Variants in PDE10A observed in about 807,000 individuals in gnomAD.
PDE10A encodes phosphodiesterase 10A, also known as cAMP and cAMP-inhibited cGMP 3',5'-cyclic phosphodiesterase 10A.
In PDE10A, 39 loss-of-function variants were observed where a neutral mutation model predicts 97.7. That is an observed-to-expected ratio of 0.40 (90% CI 0.31 to 0.52). PDE10A has a LOEUF of 0.52. PDE10A is among the 20% of genes least tolerant of loss of function. The pLI is 0.56. For missense variants in PDE10A, 731 were observed against 1,047.8 expected, an observed-to-expected ratio of 0.70 and a Z score of 4.17; for synonymous variants, 371 against 376.8, an observed-to-expected ratio of 0.98 and a Z score of 0.18.
At chr6:165,361,739 T>C (rs1208450802) in intron 18 of PDE10A, among the ~76,000 whole-genome samples, 1 of 152,204 alleles carries the variant, frequency 6.6e-6, no homozygotes, top group African/African-American at 2.4e-5. Context: ...ATGCCTGAAG[T>C]TGCCAGTATC....
chr6:165,881,577 T>G (rs1352994348), intron 1 of PDE10A, among the ~76,000 whole-genome samples: 1 of 150,152 alleles, frequency 6.7e-6, no homozygotes, highest in Non-Finnish European at 1.5e-5. Flanking sequence ...TTTTTTTTTT[T>G]TTGTATTTTT....
At chr6:165,928,509 C>T (rs78445822) in intron 1 of PDE10A, among the ~76,000 whole-genome samples, 6,956 of 152,218 alleles carry the variant, frequency 0.046, 230 homozygotes, top group Middle Eastern at 0.078. Context: ...CCCTCATGCT[C>T]GACTTGAGCT....
At chr6:165,951,842 C>T (rs1783972900) in intron 1 of PDE10A, among the ~76,000 whole-genome samples, 1 of 152,210 alleles carries the variant, frequency 6.6e-6, no homozygotes, top group Non-Finnish European at 1.5e-5. Flanking sequence ...TTTATTCATT[C>T]AACAAGCTTT....
At chr6:165,413,733 G>A in intron 12 of PDE10A, 46 bp from the exon 13 acceptor site, 1 of 1,476,390 alleles carries the variant, frequency 6.8e-7, no homozygotes, top group Non-Finnish European at 9.3e-7. Context: ...CAAAAGGGCA[G>A]AAGAAATAAA....
chr6:165,589,366 AGTTG>A lies in PDE10A; in HGVS notation c.866-45802_866-45799del, dbSNP rs531473583. ...CAGAATATGAAATTTCCCCAATTTTAGTTGTTCTCTTAAAGATTTATTACTTTAT... is the reference window on the plus strand; with the variant it reads ...CAGAATATGAAATTTCCCCAATTTTATTCTCTTAAAGATTTATTACTTTAT... On this transcript the variant is annotated intron_variant, in intron 1 of 21. Coordinates refer to ENST00000539869, the MANE Select transcript of PDE10A (RefSeq NM_001385079.1). 2.8e-4 allele frequency among the ~76,000 whole-genome samples: 42 copies of A among 152,328 alleles called. No homozygotes were observed. In the South Asian group the frequency reaches 8.5e-3, roughly 31 times the overall value.
chr6:165,926,026 A>G (rs1044814558), intron 1 of PDE10A, among the ~76,000 whole-genome samples: 2 of 152,248 alleles, frequency 1.3e-5, no homozygotes, highest in Non-Finnish European at 2.9e-5. Context: ...CAATTGCATA[A>G]AAATCTTCAA....
At chr6:165,882,265 G>A (rs1297315159) in intron 1 of PDE10A, among the ~76,000 whole-genome samples, 1 of 152,194 alleles carries the variant, frequency 6.6e-6, no homozygotes, top group Non-Finnish European at 1.5e-5. Context: ...TGATACATCT[G>A]TCTGAGCAGC....
In PDE10A at chr6:165,805,683, C is replaced by T. The variant is rs79748985; in HGVS notation, c.-615+181846G>A. On this transcript the variant is annotated intron_variant, in intron 1 of 19. Transcript: ENST00000366882. ...CCTGAGATAGACGCTGAGTCAGGGA[C>T]CCCTCTGGATCTCCCCAGTTCACTG... Among the ~76,000 whole-genome samples, 562 of 152,294 alleles carry T rather than the reference C, an allele frequency of 3.7e-3. 6 individuals carry two copies. In the East Asian group the frequency reaches 0.053, roughly 14 times the overall value.
At chr6:165,706,995 CCTGT>C (rs765560578) in intron 1 of PDE10A, among the ~76,000 whole-genome samples, 25 of 152,260 alleles carry the variant, frequency 1.6e-4, no homozygotes, top group Admixed American at 3.3e-4. Flanking sequence ...ACCCAGTAAG[CCTGT>C]CTAAGAATGC....
chr6:165,835,349 G>T (rs1780037522), intron 1 of PDE10A, among the ~76,000 whole-genome samples: 1 of 152,206 alleles, frequency 6.6e-6, no homozygotes, highest in Non-Finnish European at 1.5e-5. Flanking sequence ...GCCATCCCAG[G>T]CTGCCCTGGG....
chr6:165,859,556 G>A (rs1780842322), intron 1 of PDE10A, among the ~76,000 whole-genome samples: 1 of 152,224 alleles, frequency 6.6e-6, no homozygotes, highest in Non-Finnish European at 1.5e-5. Flanking sequence ...GTGGGAAGGT[G>A]TGTGGTGCTT....
intron 3 of PDE10A, among the ~76,000 whole-genome samples, chr6:165,481,636 A>G (rs1779611059): frequency 6.6e-6 from 1 of 152,204 alleles, no homozygotes; most frequent in African/African-American, 2.4e-5. Flanking sequence ...AAAAACTAAG[A>G]CACTTTTTTC....
intron 1 of PDE10A, among the ~76,000 whole-genome samples, chr6:165,615,354 C>A (rs935849726): frequency 3.7e-4 from 57 of 152,094 alleles, no homozygotes; most frequent in Non-Finnish European, 5.3e-4. Flanking sequence ...CTATCAATTT[C>A]AATGTCGGTT....
chr6:165,383,168 A>G (rs966219758), intron 17 of PDE10A, among the ~76,000 whole-genome samples: 4 of 152,228 alleles, frequency 2.6e-5, no homozygotes, highest in African/African-American at 9.6e-5. Context: ...TGGAACATTA[A>G]GAAAATGTTC....
intron 1 of PDE10A, among the ~76,000 whole-genome samples, chr6:165,867,230 GA>G (rs35066433): frequency 0.29 from 39,968 of 137,160 alleles, 5,757 homozygotes; most frequent in East Asian, 0.42. Flanking sequence ...AGACTGAATG[GA>G]AAAAAAAAAA....
intron 1 of PDE10A, among the ~76,000 whole-genome samples, chr6:165,800,297 G>C (rs34602707): frequency 0.98 from 148,592 of 152,226 alleles, 72,639 homozygotes; most frequent in Middle Eastern, 1. Flanking sequence ...TACTAAAGGG[G>C]CATTTTATGT....
intron 1 of PDE10A, among the ~76,000 whole-genome samples, chr6:165,619,369 G>A (rs371586962): frequency 2.9e-5 from 3 of 104,718 alleles, no homozygotes; most frequent in East Asian, 2.4e-4. Flanking sequence ...CTAGTGTAGT[G>A]TGGTGTAGTG....
At chr6:165,921,984 A>G (rs1422690336) in intron 1 of PDE10A, among the ~76,000 whole-genome samples, 5 of 152,186 alleles carry the variant, frequency 3.3e-5, no homozygotes, top group Non-Finnish European at 7.3e-5. Context: ...AGCCGGGTGC[A>G]TGAGGTCAGT....
intron 1 of PDE10A, among the ~76,000 whole-genome samples, chr6:165,704,834 G>A (rs1475936827): frequency 1.3e-5 from 2 of 152,288 alleles, no homozygotes; most frequent in East Asian, 3.9e-4. Context: ...TGATCAAGGT[G>A]GGGAAAGGCG....
Sources: gnomAD v4.1 joint callset for allele counts (sites outside exome capture counted in the v4.1 genomes callset) on GRCh38, gnomAD v4.1.1 for gene constraint, MANE v1.5 for transcripts, NCBI Gene and HGNC (gene_info 2026-07-23, HGNC 2026-07-21) for gene names.